The following SEMA3D variants were observed in gnomAD, a reference collection of about 807,000 sequenced individuals.
The protein encoded by SEMA3D is semaphorin-3D.
SEMA3D carries 84 observed loss-of-function variants against 100.1 expected under a neutral mutation model. That is an observed-to-expected ratio of 0.84 (90% CI 0.70 to 1.01). SEMA3D has a LOEUF of 1.01. Ranked by LOEUF, SEMA3D falls within the 50% of genes least tolerant of loss-of-function variation. The probability of loss-of-function intolerance (pLI) is 0.00; values close to 1 mark genes in which losing one functional copy is unlikely to be tolerated. For missense variants in SEMA3D, 875 were observed against 934.1 expected (o/e 0.94, Z 0.82); for synonymous variants, 312 against 320.7 (o/e 0.97, Z 0.29).
chr7:85,146,176 T>TA (rs879696577), intron 2 of SEMA3D, among the ~76,000 whole-genome samples: 2 of 152,192 alleles, frequency 1.3e-5, no homozygotes, highest in African/African-American at 2.4e-5. Context: ...GTATGACATC[T>TA]TACAGTTCTT....
At chr7:85,073,816 G>GT (rs1169388029) in intron 5 of SEMA3D, among the ~76,000 whole-genome samples, 3 of 152,034 alleles carry the variant, frequency 2.0e-5, no homozygotes, top group African/African-American at 4.8e-5. Flanking sequence ...CATAATCTCT[G>GT]TTTTTTCTCA....
intron 8 of SEMA3D, among the ~76,000 whole-genome samples, chr7:85,062,881 G>A (rs1009847802): frequency 6.6e-6 from 1 of 152,110 alleles, no homozygotes; most frequent in African/African-American, 2.4e-5. Context: ...GGATGGATGA[G>A]CTCACAGAAT....
intron 12 of SEMA3D, among the ~76,000 whole-genome samples, chr7:85,024,803 G>A (rs765742553): frequency 6.6e-6 from 1 of 151,900 alleles, no homozygotes; most frequent in Non-Finnish European, 1.5e-5. Flanking sequence ...AGTACAGTTT[G>A]AATCAAATAT....
chr7:85,185,549 A>T (rs1211922604), intron 1 of SEMA3D, among the ~76,000 whole-genome samples: 1 of 152,190 alleles, frequency 6.6e-6, no homozygotes. Context: ...GAAATCGCTG[A>T]AAGTTCGGCT....
rs75201923 is a variant in SEMA3D at position 85,167,465 on chromosome 7, G to A, written c.-172-13726C>T. The A allele has an allele frequency of 6.2e-5, 47 of 755,824 alleles. No homozygotes were observed. The South Asian group carries it at 1.3e-3, about 21-fold the overall frequency. 46.8% of individuals were successfully genotyped at this position (755,824 alleles called of 1,614,324 possible). ...TGTGAAGCTGATACTAATGTTGGAC[G>A]TCTATTTGTGGTAGATTAGTAAGAA... On this transcript the variant is annotated intron_variant, in intron 1 of 18. Transcript: ENST00000284136.
intron 2 of SEMA3D, among the ~76,000 whole-genome samples, chr7:85,138,640 A>AAAT (rs1789937197): frequency 1.7e-5 from 2 of 115,066 alleles, no homozygotes; most frequent in African/African-American, 4.1e-5. Flanking sequence ...AAATTAAATT[A>AAAT]TATATATTTA....
chr7:85,088,917 C>A (rs938947340), intron 4 of SEMA3D, among the ~76,000 whole-genome samples: 2 of 152,240 alleles, frequency 1.3e-5, no homozygotes, highest in South Asian at 4.1e-4. Flanking sequence ...AGCTCAGAAG[C>A]CTCGCTTGCA....
At chr7:85,206,760 G>A in the SEMA3D span, among the ~76,000 whole-genome samples, 2 of 152,030 alleles carry the variant, frequency 1.3e-5, no homozygotes, top group Non-Finnish European at 2.9e-5. Flanking sequence ...ACATGGGCCT[G>A]GAGAGGAGGA....
At chr7:85,180,511 A>G (rs1246311039) in intron 1 of SEMA3D, among the ~76,000 whole-genome samples, 1 of 152,240 alleles carries the variant, frequency 6.6e-6, no homozygotes, top group Non-Finnish European at 1.5e-5. Context: ...GTTTTCCACT[A>G]TATAATTTAA....
At chr7:85,031,577 A>G (rs1790550872) in intron 12 of SEMA3D, among the ~76,000 whole-genome samples, 1 of 151,994 alleles carries the variant, frequency 6.6e-6, no homozygotes, top group Admixed American at 6.6e-5. Flanking sequence ...AACAAAAGGT[A>G]GGTTAATGGC....
chr7:85,069,726 T>A lies in SEMA3D; in HGVS notation c.496-1442A>T, dbSNP rs576531951. 8.5e-5 allele frequency among the ~76,000 whole-genome samples: 13 copies of A among 152,298 alleles called. No individual in the cohort carries two copies. The South Asian group carries it at 2.7e-3, about 32-fold the overall frequency. ...AGGAATGCTAGTAAGAAAACATTTA[T>A]TTATCACAACTCAGCAACATTATTG... On this transcript the variant is annotated intron_variant, in intron 6 of 18. Coordinates refer to ENST00000284136, the MANE Select transcript of SEMA3D (RefSeq NM_001384900.1).
chr7:85,052,621 T>C (rs1289264782), intron 9 of SEMA3D, among the ~76,000 whole-genome samples: 1 of 152,028 alleles, frequency 6.6e-6, no homozygotes, highest in African/African-American at 2.4e-5. Context: ...TACAATGTTT[T>C]TGGGCTTCAC....
At chr7:85,015,777 A>G (rs1346320696) in intron 15 of SEMA3D, among the ~76,000 whole-genome samples, 1 of 151,834 alleles carries the variant, frequency 6.6e-6, no homozygotes, top group East Asian at 1.9e-4. Flanking sequence ...CTATATCACA[A>G]ATGAAAGGCT....
chr7:85,226,158 T>G, the SEMA3D span, among the ~76,000 whole-genome samples: 2 of 152,260 alleles, frequency 1.3e-5, no homozygotes, highest in East Asian at 3.9e-4. Flanking sequence ...ACATGTTTTA[T>G]TCACTCTCTC....
intron 2 of SEMA3D, chr7:85,140,181 T>C: frequency 4.0e-6 from 2 of 505,814 alleles, no homozygotes; most frequent in Non-Finnish European, 2.6e-6. Context: ...TATAAGAGCA[T>C]TTATTTAATG....
intron 18 of SEMA3D, among the ~76,000 whole-genome samples, chr7:85,000,123 TA>T (rs1281776893): frequency 1.3e-5 from 2 of 152,184 alleles, no homozygotes; most frequent in African/African-American, 4.8e-5. Flanking sequence ...GGAATGCAGT[TA>T]TTTTTTTTCT....
intron 2 of SEMA3D, chr7:85,141,002 T>C (rs1370736478): frequency 1.5e-6 from 1 of 649,886 alleles, no homozygotes; most frequent in African/African-American, 2.0e-5. Context: ...ATTATATCAA[T>C]AATCTAGTTT....
intron 4 of SEMA3D, among the ~76,000 whole-genome samples, chr7:85,085,662 G>A (rs376759561): frequency 1.1e-4 from 17 of 152,240 alleles, no homozygotes; most frequent in African/African-American, 2.9e-4. Flanking sequence ...TGAAATCACC[G>A]TGCCCAGGGA....
At chr7:85,033,561 T>C (rs1790604353) in intron 12 of SEMA3D, among the ~76,000 whole-genome samples, 1 of 152,144 alleles carries the variant, frequency 6.6e-6, no homozygotes, top group Non-Finnish European at 1.5e-5. Flanking sequence ...CTGAGTATTA[T>C]AGGACTCAAC....
Sources: allele counts gnomAD v4.1 joint callset (sites outside exome capture counted in the v4.1 genomes callset), GRCh38; gene constraint gnomAD v4.1.1; transcripts MANE v1.5; gene names NCBI Gene and HGNC (gene_info 2026-07-23, HGNC 2026-07-21).